PTPRQ: variants seen among roughly 807,000 people sequenced by gnomAD.
PTPRQ encodes protein tyrosine phosphatase receptor type Q.
PTPRQ carries 199 observed loss-of-function variants against 246.0 expected under a neutral mutation model. That is an observed-to-expected ratio of 0.81 (90% CI 0.72 to 0.91). PTPRQ has a LOEUF of 0.91. Among genes scored for constraint, PTPRQ ranks in the 40% least tolerant of loss-of-function variants. The pLI is 0.00. For synonymous variants in PTPRQ, 869 were observed against 853.2 expected, an observed-to-expected ratio of 1.02 and a Z score of -0.32; for missense variants, 2,624 against 2,528.4, an observed-to-expected ratio of 1.04 and a Z score of -0.81.
At chr12:80,485,644 C>G (rs866030208) in intron 9 of PTPRQ, among the ~76,000 whole-genome samples, 1 of 152,120 alleles carries the variant, frequency 6.6e-6, no homozygotes, top group African/African-American at 2.4e-5. Flanking sequence ...AAATTTTAAT[C>G]CTATGTTGAT....
intron 7 of PTPRQ, among the ~76,000 whole-genome samples, chr12:80,471,362 A>C (rs539246528): frequency 6.6e-6 from 1 of 152,116 alleles, no homozygotes; most frequent in East Asian, 1.9e-4. Flanking sequence ...ATTTAAAGCA[A>C]AGTCGAAGAT....
At chr12:80,629,463 G>A (rs1199801418) in intron 33 of PTPRQ, among the ~76,000 whole-genome samples, 2 of 152,176 alleles carry the variant, frequency 1.3e-5, no homozygotes, top group African/African-American at 4.8e-5. Flanking sequence ...CACCTTTGCA[G>A]GCAGAGGAAG....
intron 16 of PTPRQ, among the ~76,000 whole-genome samples, chr12:80,507,935 G>T (rs1895012204): frequency 6.6e-6 from 1 of 151,852 alleles, no homozygotes; most frequent in Admixed American, 6.6e-5. Flanking sequence ...ATGCCTTTTT[G>T]AAAATAGTAC....
chr12:80,460,884 G>A lies in PTPRQ; in HGVS notation c.892G>A (p.Val298Ile). The change falls in exon 6 of 45, where the codon GTC becomes ATC. Residue 298 changes from valine (V) to isoleucine (I), a missense_variant. Coordinates refer to ENST00000644991, the MANE Select transcript of PTPRQ (RefSeq NM_001145026.2). ...AGCAGGTTATATTGATAGTACGATT[G>A]TCAGAACACCAGAATCAGGTATGGT... is the stretch of plus-strand genomic sequence containing the variant. The part of the protein sequence containing the change: ...TEAGYIDSTI[V>I]RTPESVPEGP... 1 of 400,660 alleles carries A rather than the reference G, an allele frequency of 2.5e-6. No homozygotes were observed. 24.8% of individuals were successfully genotyped at this position (400,660 alleles called of 1,614,324 possible).
At chr12:80,528,902 AT>A (rs1256451342) in intron 17 of PTPRQ, among the ~76,000 whole-genome samples, 1 of 152,130 alleles carries the variant, frequency 6.6e-6, no homozygotes, top group Non-Finnish European at 1.5e-5. Flanking sequence ...AATCTTTTAA[AT>A]GTATCTTTCC....
chr12:80,587,275 C>T (rs961288184), intron 25 of PTPRQ, among the ~76,000 whole-genome samples: 25 of 152,082 alleles, frequency 1.6e-4, no homozygotes, highest in Non-Finnish European at 3.7e-4. Flanking sequence ...ATACAGTTCG[C>T]ATTATGTAAT....
chr12:80,494,287 A>C lies in PTPRQ; in HGVS notation c.1541-646A>C, dbSNP rs546067480. The stretch of plus-strand genomic sequence containing the variant: ...TTCAAGTTTGGCCTAATTGCTACTT[A>C]AGAGTTTTAGAAGCACAAATTCTAA... On this transcript the variant is annotated intron_variant, in intron 10 of 44. Transcript: ENST00000644991. 2.6e-5 allele frequency among the ~76,000 whole-genome samples: 4 copies of C among 152,114 alleles called. No homozygotes were observed. The East Asian group carries it at 7.8e-4, about 30-fold the overall frequency.
At chr12:80,617,532 G>T (rs185219317) in intron 30 of PTPRQ, among the ~76,000 whole-genome samples, 1 of 151,366 alleles carries the variant, frequency 6.6e-6, no homozygotes, top group East Asian at 2.0e-4. Context: ...TTATTCAGTG[G>T]CAGACGTGTA....
At chr12:80,585,338 C>G (rs1298972906) in intron 25 of PTPRQ, among the ~76,000 whole-genome samples, 1 of 152,150 alleles carries the variant, frequency 6.6e-6, no homozygotes, top group Non-Finnish European at 1.5e-5. Context: ...CCTGCCAGCT[C>G]TCCTTCACAT....
chr12:80,660,324 C>T (rs914739730), intron 39 of PTPRQ, among the ~76,000 whole-genome samples: 1 of 151,950 alleles, frequency 6.6e-6, no homozygotes, highest in African/African-American at 2.4e-5. Flanking sequence ...ACCCTCCAGC[C>T]CAGGGTTTAT....
At chr12:80,602,501 A>G (rs1898175945) in intron 26 of PTPRQ, among the ~76,000 whole-genome samples, 2 of 151,772 alleles carry the variant, frequency 1.3e-5, no homozygotes, top group Admixed American at 1.3e-4. Flanking sequence ...AGGTGCAGAC[A>G]GATTTGCTTA....
chr12:80,535,755 T>C (rs918209884), intron 19 of PTPRQ, among the ~76,000 whole-genome samples: 6 of 152,128 alleles, frequency 3.9e-5, no homozygotes, highest in Admixed American at 3.9e-4. Flanking sequence ...CTCTAACATA[T>C]AAAAAGGATA....
chr12:80,574,607 G>T (rs530417057), intron 25 of PTPRQ, among the ~76,000 whole-genome samples: 1 of 151,978 alleles, frequency 6.6e-6, no homozygotes, highest in Admixed American at 6.6e-5. Flanking sequence ...GCTTCTCAAG[G>T]GACTGCAATA....
intron 18 of PTPRQ, 59 bp from the exon 19 acceptor site, chr12:80,534,833 A>G: frequency 6.7e-7 from 1 of 1,498,806 alleles, no homozygotes; most frequent in Non-Finnish European, 8.9e-7. Context: ...AATTCAGGCC[A>G]TTTCAGACAT....
Position 80,613,682 on chromosome 12 carries a change from C to A in PTPRQ, c.5009C>A (p.Pro1670His). The A allele has an allele frequency of 1.3e-6, 2 of 1,545,964 alleles. No homozygotes were observed. Among genetic ancestry groups the A allele is most frequent in the Non-Finnish European group, 1.7e-6 (2 of 1,143,156 alleles). ...TTAACGTTCCTTCCTCCTTCTCAAC[C>A]TAATGGAAATATCCAAGTATATCAA... ...FQLTFLPPSQ[P>H]NGNIQVYQAL... The change falls in exon 29 of 45, where the codon CCT becomes CAT. Residue 1670 changes from proline (P) to histidine (H), a missense_variant. Pro to His is a moderately conservative substitution (Grantham distance 77, BLOSUM62 -2). Coordinates refer to ENST00000644991, the MANE Select transcript of PTPRQ (RefSeq NM_001145026.2).
At chr12:80,516,091 C>A in intron 17 of PTPRQ, among the ~76,000 whole-genome samples, 1 of 152,144 alleles carries the variant, frequency 6.6e-6, no homozygotes, top group East Asian at 1.9e-4. Flanking sequence ...ATTCCTAGGG[C>A]AACCACCATT....
At chr12:80,642,797 G>A (rs1293753901) in intron 35 of PTPRQ, among the ~76,000 whole-genome samples, 4 of 149,638 alleles carry the variant, frequency 2.7e-5, no homozygotes, top group African/African-American at 7.4e-5. Context: ...GCGGGCGCCT[G>A]TAGTCCCAGC....
chr12:80,523,350 G>T (rs1195395447), intron 17 of PTPRQ, among the ~76,000 whole-genome samples: 1 of 151,946 alleles, frequency 6.6e-6, no homozygotes, highest in Non-Finnish European at 1.5e-5. Flanking sequence ...AGGGTTTTTT[G>T]TGTTTCTATT....
chr12:80,506,084 T>TAG lies in PTPRQ; in HGVS notation c.2334_2335insGA (p.Ser779AspfsTer31). On this transcript the variant is annotated frameshift_variant, in exon 15 of 45. Coordinates refer to ENST00000644991, the MANE Select transcript of PTPRQ (RefSeq NM_001145026.2). LOFTEE classifies it high-confidence loss of function. ...AATATTTCTTCTGGAGAGATTGAGCTATCATTCCTTCCCCCAAGTAGTCCC... is the reference window on the plus strand; with the variant it reads ...AATATTTCTTCTGGAGAGATTGAGCTAGATCATTCCTTCCCCCAAGTAGTCCC... 6.5e-7 allele frequency: 1 copy of TAG among 1,546,832 alleles called. No homozygotes were observed. The highest frequency in any genetic ancestry group is 8.7e-7 in the Non-Finnish European group (1 of 1,144,930).
Sources: allele counts gnomAD v4.1 joint callset (sites outside exome capture counted in the v4.1 genomes callset), GRCh38; gene constraint gnomAD v4.1.1; transcripts MANE v1.5; gene names NCBI Gene and HGNC (gene_info 2026-07-23, HGNC 2026-07-21).